Variants in SRGAP1 observed in about 807,000 individuals in gnomAD.
SRGAP1 encodes the protein SLIT-ROBO Rho GTPase activating protein 1.
SRGAP1 carries 43 observed loss-of-function variants against 121.9 expected under a neutral mutation model. The ratio of observed to expected loss-of-function variants is 0.35; its 90% CI spans 0.28 to 0.46. The LOEUF is 0.46. SRGAP1 is among the 20% of genes least tolerant of loss of function. The pLI, the probability that SRGAP1 is intolerant of heterozygous loss-of-function variation, is 1.00. For synonymous variants in SRGAP1, 447 were observed against 485.4 expected, an observed-to-expected ratio of 0.92 and a Z score of 1.04; for missense variants, 1,102 against 1,350.9, an observed-to-expected ratio of 0.82 and a Z score of 2.89.
At chr12:64,058,885 T>C (rs1033491909) in intron 6 of SRGAP1, among the ~76,000 whole-genome samples, 9 of 152,176 alleles carry the variant, frequency 5.9e-5, no homozygotes, top group Admixed American at 4.6e-4. Context: ...TCCTTTTTTC[T>C]GTATCTTGTT....
intron 3 of SRGAP1, among the ~76,000 whole-genome samples, chr12:64,004,898 A>G (rs2034031582): frequency 6.6e-6 from 1 of 152,200 alleles, no homozygotes; most frequent in African/African-American, 2.4e-5. Flanking sequence ...ATACCACATG[A>G]TAGGGATTCT....
At chr12:63,943,117 A>G (rs1395879385) in intron 1 of SRGAP1, among the ~76,000 whole-genome samples, 1 of 152,154 alleles carries the variant, frequency 6.6e-6, no homozygotes, top group Non-Finnish European at 1.5e-5. Flanking sequence ...GTACCAGGAG[A>G]AACAGTATTT....
chr12:64,077,816 G>C (rs2035765925), intron 8 of SRGAP1, among the ~76,000 whole-genome samples: 1 of 152,090 alleles, frequency 6.6e-6, no homozygotes, highest in Admixed American at 6.5e-5. Context: ...GGACACTATT[G>C]AAAGAGGGAA....
Position 64,145,846 on chromosome 12 carries a change from G to GC in SRGAP1, c.*3179dup, listed in dbSNP as rs1278514258. The GC allele has an allele frequency of 6.6e-6, 1 of 152,188 alleles. No individual in the cohort carries two copies. Among genetic ancestry groups the GC allele is most frequent in the East Asian group, 1.9e-4 (1 of 5,188 alleles). The allele number at this position is 152,188 out of a possible 1,614,324, so 9.4% of individuals were successfully genotyped here. On this transcript the variant is annotated 3_prime_UTR_variant, in exon 22 of 22. Transcript: ENST00000355086. Reference sequence around the variant, plus strand: ...GGATAATGAGGCCTTGAGGTGTTCTGCCCCCAATTTCAAGGAGCTTATCAG... The same window carrying GC: ...GGATAATGAGGCCTTGAGGTGTTCTGCCCCCCAATTTCAAGGAGCTTATCAG...
intron 1 of SRGAP1, among the ~76,000 whole-genome samples, chr12:63,915,027 T>C (rs925936040): frequency 2.6e-5 from 4 of 152,242 alleles, no homozygotes; most frequent in African/African-American, 7.2e-5. Flanking sequence ...CAAGTTCTTT[T>C]TCTTCTTATA....
At chr12:63,940,471 G>A (rs7977480) in intron 1 of SRGAP1, among the ~76,000 whole-genome samples, 2,730 of 152,052 alleles carry the variant, frequency 0.018, 77 homozygotes, top group African/African-American at 0.062. Context: ...GGGAGGAAGG[G>A]GATGGGCCAT....
intron 3 of SRGAP1, among the ~76,000 whole-genome samples, chr12:63,998,212 G>A (rs2033769617): frequency 6.6e-6 from 1 of 152,166 alleles, no homozygotes; most frequent in Admixed American, 6.6e-5. Context: ...GCACAGAGTA[G>A]GTGCTCAGTA....
chr12:64,142,646 C>T lies in SRGAP1; in HGVS notation c.3232C>T (p.Pro1078Ser), dbSNP rs2036984475. The change falls in exon 22 of 22, where the codon CCA becomes TCA. Residue 1078 changes from proline to serine, a missense_variant. Around this residue, in one of 3 missense-constraint regions of SRGAP1, gnomAD observed 315 missense variants for 343.1 expected, o/e 0.92. Coordinates refer to ENST00000355086, the MANE Select transcript of SRGAP1 (RefSeq NM_020762.4). Reference protein sequence around the residue: ...TIGPAPPPQGPTDKSCTM With the variant: ...TIGPAPPPQGSTDKSCTM ...AGGACCTGCCCCACCTCCCCAGGGT[C>T]CAACAGACAAGTCATGCACAATGTA... The T allele has an allele frequency of 6.2e-7, 1 of 1,614,016 alleles. No individual in the cohort carries two copies. The highest frequency in any genetic ancestry group is 8.5e-7 in the Non-Finnish European group (1 of 1,179,996).
chr12:63,946,484 C>G (rs2032051447), intron 1 of SRGAP1, among the ~76,000 whole-genome samples: 2 of 151,824 alleles, frequency 1.3e-5, no homozygotes, highest in Admixed American at 1.3e-4. Flanking sequence ...CCCATTGTCC[C>G]CAGGCAACCA....
rs2037081582 is a variant in SRGAP1 at position 64,148,171 on chromosome 12, T to A, written c.*5499T>A. ...TTGAAATCTTTCTTTTGAGAAAGAC[T>A]CTAGTTAACCACGGCAAGCCCATCT... is the stretch of plus-strand genomic sequence containing the variant. On this transcript the variant is annotated 3_prime_UTR_variant, in exon 22 of 22. Transcript: ENST00000355086. 6.6e-6 allele frequency: 1 copy of A among 152,386 alleles called. No individual in the cohort carries two copies. The highest frequency in any genetic ancestry group is 2.1e-4 in the South Asian group (1 of 4,832). The allele number at this position is 152,386 out of a possible 1,614,324, so 9.4% of individuals were successfully genotyped here. A position where few individuals can be genotyped will look rare whatever the true frequency, so the allele number is the denominator to read the frequency against.
chr12:63,898,475 C>T (rs1380178656), intron 1 of SRGAP1, among the ~76,000 whole-genome samples: 2 of 152,168 alleles, frequency 1.3e-5, no homozygotes, highest in Non-Finnish European at 2.9e-5. Context: ...ATAAAATGAA[C>T]ACTTCATTGG....
intron 21 of SRGAP1, among the ~76,000 whole-genome samples, chr12:64,132,610 A>C (rs1389809663): frequency 1.3e-5 from 2 of 152,306 alleles, no homozygotes; most frequent in East Asian, 3.9e-4. Context: ...GACCTCTAAA[A>C]ATTTTACTGA....
At chr12:64,036,179 C>T (rs2034899621) in intron 4 of SRGAP1, among the ~76,000 whole-genome samples, 4 of 152,098 alleles carry the variant, frequency 2.6e-5, no homozygotes, top group Admixed American at 2.6e-4. Flanking sequence ...GAATTCCTGC[C>T]CACTACCACT....
chr12:64,016,867 A>G (rs1453110878), intron 3 of SRGAP1, 83 bp from the exon 4 acceptor site: 5 of 741,130 alleles, frequency 6.7e-6, no homozygotes, highest in Non-Finnish European at 8.6e-6. Flanking sequence ...CTGTCGTGTT[A>G]GATACATTCC....
intron 6 of SRGAP1, among the ~76,000 whole-genome samples, chr12:64,060,505 G>C (rs1012790119): frequency 6.6e-6 from 1 of 152,098 alleles, no homozygotes; most frequent in African/African-American, 2.4e-5. Context: ...ACCGCGCCCA[G>C]CCAAGATCCA....
At position 64,142,703 on chromosome 12, in the gene SRGAP1, T is replaced by A. The variant is rs1174739928; in HGVS notation, c.*31T>A. Reference sequence around the variant, plus strand: ...AGCCAAGCAAGGCCATAAAGGGAGGTGACTTAAAAAAGAAAATGGATTAGT... The same window carrying A: ...AGCCAAGCAAGGCCATAAAGGGAGGAGACTTAAAAAAGAAAATGGATTAGT... On this transcript the variant is annotated 3_prime_UTR_variant, in exon 22 of 22. Coordinates refer to ENST00000355086, the MANE Select transcript of SRGAP1 (RefSeq NM_020762.4). 3 of 1,570,546 alleles carry A rather than the reference T, an allele frequency of 1.9e-6. No individual in the cohort carries two copies. The highest frequency in any genetic ancestry group is 2.6e-6 in the Non-Finnish European group (3 of 1,157,452).
intron 1 of SRGAP1, among the ~76,000 whole-genome samples, chr12:63,861,294 A>G (rs1396043000): frequency 7.9e-6 from 1 of 126,514 alleles, no homozygotes; most frequent in Non-Finnish European, 1.6e-5. Flanking sequence ...AGGCATATAT[A>G]TATATATATT....
intron 3 of SRGAP1, among the ~76,000 whole-genome samples, chr12:64,016,332 T>C (rs1157596139): frequency 2.0e-5 from 3 of 151,966 alleles, no homozygotes; most frequent in Admixed American, 1.3e-4. Flanking sequence ...ACAAAAAATA[T>C]AAAAACTAGT....
chr12:63,885,523 C>G (rs142456332), intron 1 of SRGAP1, among the ~76,000 whole-genome samples: 2,582 of 152,112 alleles, frequency 0.017, 87 homozygotes, highest in African/African-American at 0.059. Flanking sequence ...TGTGATTGAA[C>G]AAAAAGGGTA....
Sources: allele counts gnomAD v4.1 joint callset (sites outside exome capture counted in the v4.1 genomes callset), GRCh38; gene constraint gnomAD v4.1.1; regional missense constraint gnomAD v4.1.1; transcripts MANE v1.5; gene names NCBI Gene and HGNC (gene_info 2026-07-23, HGNC 2026-07-21).